Variants in ANKDD1B observed in about 807,000 individuals in gnomAD.
ANKDD1B encodes the protein ankyrin repeat and death domain-containing protein 1B.
ANKDD1B carries 57 observed loss-of-function variants against 59.7 expected under a neutral mutation model. That is an observed-to-expected ratio of 0.95 (90% CI 0.77 to 1.19). The LOEUF is 1.19. Among genes scored for constraint, ANKDD1B ranks in the 50% most tolerant of loss-of-function variants. ANKDD1B has a pLI of 0.00. For synonymous variants in ANKDD1B, 216 were observed against 239.5 expected, an observed-to-expected ratio of 0.90 and a Z score of 0.91; for missense variants, 602 against 641.9, an observed-to-expected ratio of 0.94 and a Z score of 0.67.
intron 7 of ANKDD1B, among the ~76,000 whole-genome samples, chr5:75,648,113 G>A (rs1182978335): frequency 2.8e-5 from 2 of 70,608 alleles, no homozygotes; most frequent in Non-Finnish European, 2.7e-5. Flanking sequence ...GGGGTGGGGG[G>A]AGGGGGGAGG....
chr5:75,666,664 C>A, intron 11 of ANKDD1B, 128 bp from the exon 12 acceptor site: 4 of 636,052 alleles, frequency 6.3e-6, no homozygotes, highest in Non-Finnish European at 8.0e-6. Context: ...GATCCAGTGA[C>A]AGGAGGCATT....
chr5:75,614,776 C>G (rs1190635732), intron 1 of ANKDD1B, among the ~76,000 whole-genome samples: 1 of 152,206 alleles, frequency 6.6e-6, no homozygotes, highest in Non-Finnish European at 1.5e-5. Context: ...TATTGATGAA[C>G]ACTAGCAATG....
In ANKDD1B at chr5:75,620,397, T is replaced by C; in HGVS notation, c.380T>C (p.Val127Ala). The C allele has an allele frequency of 1.3e-6, 2 of 1,532,022 alleles. No homozygotes were observed. The highest frequency in any genetic ancestry group is 1.7e-6 in the Non-Finnish European group (2 of 1,143,454). The allele number at this position is 1,532,022 out of a possible 1,614,324, so 94.9% of individuals were successfully genotyped here. The change falls in exon 3 of 14, where the codon GTG becomes GCG. Residue 127 changes from valine (V) to alanine (A), a missense_variant. This residue lies in a region of ANKDD1B where 317 missense variants were observed against 304.6 expected (regional missense o/e 1.04). Coordinates refer to ENST00000601380, the MANE Select transcript of ANKDD1B (RefSeq NM_001276713.2). ...VDFLLKHKAR[V>A]DVADKHGLTV... is the part of the protein sequence containing the mutation. Reference sequence around the variant, plus strand: ...TTCTTGCTTAAACACAAGGCCAGGGTGGATGTTGCTGATAAGGTAAGCTCA... The same window carrying C: ...TTCTTGCTTAAACACAAGGCCAGGGCGGATGTTGCTGATAAGGTAAGCTCA...
intron 3 of ANKDD1B, 69 bp from the exon 4 acceptor site, chr5:75,625,578 T>C: frequency 8.3e-7 from 1 of 1,208,816 alleles, no homozygotes; most frequent in Non-Finnish European, 1.2e-6. Context: ...TTGGCCTTTG[T>C]TGATGAGGCA....
At chr5:75,661,647 G>A (rs1366735817) in intron 10 of ANKDD1B, among the ~76,000 whole-genome samples, 1 of 151,984 alleles carries the variant, frequency 6.6e-6, no homozygotes, top group Non-Finnish European at 1.5e-5. Context: ...CTGTGGGTAC[G>A]AAATCTATAG....
intron 7 of ANKDD1B, among the ~76,000 whole-genome samples, chr5:75,645,074 G>A (rs1456260746): frequency 1.5e-5 from 2 of 130,706 alleles, no homozygotes; most frequent in African/African-American, 4.4e-5. Context: ...CCACATACCA[G>A]AATCTCTGGG....
chr5:75,670,499 T>C (rs1387500226), intron 13 of ANKDD1B, among the ~76,000 whole-genome samples: 2 of 152,002 alleles, frequency 1.3e-5, no homozygotes, highest in Non-Finnish European at 2.9e-5. Flanking sequence ...CAGACTATTC[T>C]GATGTTAGTT....
intron 3 of ANKDD1B, among the ~76,000 whole-genome samples, chr5:75,620,660 T>C (rs1332211830): frequency 6.6e-6 from 1 of 152,194 alleles, no homozygotes; most frequent in Non-Finnish European, 1.5e-5. Context: ...TTATGGCCAA[T>C]AGCATGCATT....
At chr5:75,657,229 A>AG (rs1775001122) in intron 9 of ANKDD1B, among the ~76,000 whole-genome samples, 1 of 152,206 alleles carries the variant, frequency 6.6e-6, no homozygotes, top group Admixed American at 6.5e-5. Context: ...ACTCTAGGGA[A>AG]GGAGTGTTTG....
intron 12 of ANKDD1B, 130 bp from the exon 13 acceptor site, chr5:75,669,121 TG>T: frequency 1.1e-6 from 1 of 922,716 alleles, no homozygotes; most frequent in Non-Finnish European, 1.4e-6. Flanking sequence ...CGAGGGCAAC[TG>T]GAAGGGCTTT....
At chr5:75,636,226 G>A (rs1774297273) in intron 7 of ANKDD1B, among the ~76,000 whole-genome samples, 1 of 152,204 alleles carries the variant, frequency 6.6e-6, no homozygotes, top group Non-Finnish European at 1.5e-5. Flanking sequence ...AATGCCATGA[G>A]AACACAGAGA....
chr5:75,635,964 A>G lies in ANKDD1B; in HGVS notation c.798+82A>G, dbSNP rs1159373847. 13 of 845,354 alleles carry G rather than the reference A, an allele frequency of 1.5e-5. No homozygotes were observed. The African/African-American group carries it at 1.7e-4, about 11-fold the overall frequency. 52.4% of individuals were successfully genotyped at this position (845,354 alleles called of 1,614,324 possible). Reference sequence around the variant, plus strand: ...TGGCTTTCAAGAAAAGAGTGGGAGGAAAACAAAGGTGTTAGTGCCATGGAG... The same window carrying G: ...TGGCTTTCAAGAAAAGAGTGGGAGGGAAACAAAGGTGTTAGTGCCATGGAG... On this transcript the variant is annotated intron_variant, in intron 7 of 13. Transcript: ENST00000601380.
chr5:75,624,478 C>T (rs1373232669), intron 3 of ANKDD1B, among the ~76,000 whole-genome samples: 1 of 152,308 alleles, frequency 6.6e-6, no homozygotes. Context: ...GACAAGTCAG[C>T]ATACAACTGC....
intron 7 of ANKDD1B, among the ~76,000 whole-genome samples, chr5:75,649,245 A>T (rs1190491422): frequency 6.9e-6 from 1 of 144,602 alleles, no homozygotes; most frequent in Non-Finnish European, 1.5e-5. Context: ...TGCTTTTTGC[A>T]ATTATTTGGC....
At chr5:75,649,150 C>T (rs973184716) in intron 7 of ANKDD1B, among the ~76,000 whole-genome samples, 2 of 150,302 alleles carry the variant, frequency 1.3e-5, no homozygotes, top group Non-Finnish European at 3.0e-5. Flanking sequence ...CACATTTTAT[C>T]ATACATATTT....
chr5:75,658,497 G>A (rs1420319437), intron 9 of ANKDD1B, among the ~76,000 whole-genome samples: 1 of 152,176 alleles, frequency 6.6e-6, no homozygotes, highest in African/African-American at 2.4e-5. Flanking sequence ...CTCTTGATAG[G>A]AAAATGATTA....
intron 7 of ANKDD1B, among the ~76,000 whole-genome samples, chr5:75,637,599 A>T (rs1364405901): frequency 2.6e-5 from 4 of 152,388 alleles, no homozygotes; most frequent in African/African-American, 9.6e-5. Flanking sequence ...TTTAACTATG[A>T]CAAAAAACTT....
intron 8 of ANKDD1B, among the ~76,000 whole-genome samples, chr5:75,654,819 C>T (rs1400721088): frequency 2.0e-5 from 3 of 152,206 alleles, no homozygotes; most frequent in Non-Finnish European, 2.9e-5. Context: ...CCTAATCACT[C>T]ACCCTCGTAG....
chr5:75,649,728 A>T (rs978475748), intron 7 of ANKDD1B, among the ~76,000 whole-genome samples: 4 of 152,230 alleles, frequency 2.6e-5, no homozygotes, highest in Admixed American at 6.5e-5. Context: ...ATTAGAAAGT[A>T]GCCAACAAGT....
Sources: gnomAD v4.1 joint callset for allele counts (sites outside exome capture counted in the v4.1 genomes callset) on GRCh38, gnomAD v4.1.1 for gene constraint, gnomAD v4.1.1 regional missense constraint, MANE v1.5 for transcripts, NCBI Gene and HGNC (gene_info 2026-07-23, HGNC 2026-07-21) for gene names.